Variants in UNC5D observed in about 807,000 individuals in gnomAD.
The protein encoded by UNC5D is netrin receptor UNC5D.
In UNC5D, 39 loss-of-function variants were observed where a neutral mutation model predicts 105.4. The ratio of observed to expected loss-of-function variants is 0.37; its 90% CI spans 0.29 to 0.48. UNC5D has a LOEUF of 0.48. UNC5D is among the 20% of genes least tolerant of loss of function. The pLI, the probability that UNC5D is intolerant of heterozygous loss-of-function variation, is 0.98. For missense variants in UNC5D, 991 were observed against 1,202.4 expected (o/e 0.82, Z 2.60); for synonymous variants, 452 against 450.4 (o/e 1.00, Z -0.04).
At chr8:35,258,558 T>A (rs192771664) in intron 1 of UNC5D, among the ~76,000 whole-genome samples, 1 of 152,268 alleles carries the variant, frequency 6.6e-6, no homozygotes, top group Non-Finnish European at 1.5e-5. Context: ...TAATAGTACC[T>A]ACCACATCAG....
chr8:35,482,922 C>T (rs982338992), intron 1 of UNC5D, among the ~76,000 whole-genome samples: 3 of 150,066 alleles, frequency 2.0e-5, no homozygotes, highest in African/African-American at 7.4e-5. Flanking sequence ...CCTGCCGTGG[C>T]CCCCCGAGTA....
In UNC5D at chr8:35,400,439, C is replaced by T. The variant is rs187027933; in HGVS notation, c.104-148853C>T. ...TCAAGCTCCTCATTATCCCGGATTA[C>T]GCTAACAACAATTGAAGCAAAATTT... On this transcript the variant is annotated intron_variant, in intron 1 of 16. Transcript: ENST00000404895. Among the ~76,000 whole-genome samples the T allele has an allele frequency of 3.6e-3, 551 of 152,230 alleles. 4 individuals are homozygous for T. Among genetic ancestry groups the T allele is most frequent in the African/African-American group, 0.013 (523 of 41,548 alleles).
intron 4 of UNC5D, among the ~76,000 whole-genome samples, chr8:35,660,473 T>C (rs1183704242): frequency 1.3e-5 from 2 of 152,210 alleles, no homozygotes; most frequent in Admixed American, 1.3e-4. Context: ...CCATTAAAGA[T>C]CATTTTCTCC....
At chr8:35,281,965 C>A (rs549806898) in intron 1 of UNC5D, among the ~76,000 whole-genome samples, 1 of 152,300 alleles carries the variant, frequency 6.6e-6, no homozygotes, top group African/African-American at 2.4e-5. Flanking sequence ...TATCCCTGCA[C>A]ATGTACTCGG....
At chr8:35,397,555 C>A (rs903868710) in intron 1 of UNC5D, among the ~76,000 whole-genome samples, 2 of 152,196 alleles carry the variant, frequency 1.3e-5, no homozygotes, top group African/African-American at 4.8e-5. Context: ...CTTGAGAACT[C>A]AAGTTGCACT....
intron 1 of UNC5D, among the ~76,000 whole-genome samples, chr8:35,505,889 C>A (rs1387729832): frequency 6.6e-6 from 1 of 152,202 alleles, no homozygotes; most frequent in Non-Finnish European, 1.5e-5. Flanking sequence ...GGTTGCTTAA[C>A]CTCTCTGTGC....
intron 3 of UNC5D, among the ~76,000 whole-genome samples, chr8:35,577,169 T>C (rs934338242): frequency 2.0e-5 from 3 of 152,234 alleles, no homozygotes; most frequent in Admixed American, 2.0e-4. Context: ...TGTTTTAAAA[T>C]CAAGGACATT....
intron 8 of UNC5D, among the ~76,000 whole-genome samples, chr8:35,709,355 G>A (rs1827794804): frequency 6.6e-6 from 1 of 152,168 alleles, no homozygotes; most frequent in Admixed American, 6.5e-5. Context: ...GGGTTAGAGT[G>A]AGTGATGCTT....
rs767294368 is a variant in UNC5D, at chr8:35,748,509, CT to C, written c.1767-12del. The stretch of plus-strand genomic sequence containing the variant: ...CCTCTACATACTTCTCTCTTCTATC[CT>C]TTTTTCAACTGTGAAGCCTCCAGTC... On this transcript the variant is annotated splice_polypyrimidine_tract_variant and intron_variant, in intron 11 of 16. Transcript: ENST00000404895. 1.3e-4 allele frequency: 202 copies of C among 1,608,458 alleles called. No individual in the cohort carries two copies. In the African/African-American group the frequency reaches 2.5e-3, roughly 20 times the overall value.
Position 35,611,926 on chromosome 8 carries a change from C to T in UNC5D, c.570+16269C>T, listed in dbSNP as rs187928372. On this transcript the variant is annotated intron_variant, in intron 4 of 16. Coordinates refer to ENST00000404895, the MANE Select transcript of UNC5D (RefSeq NM_080872.4). The stretch of plus-strand genomic sequence containing the variant: ...TTCCACAGATTAAAATTGTTGAGTT[C>T]TCAATAAACCCTGATTTACTGATGT... 1.6e-4 allele frequency among the ~76,000 whole-genome samples: 25 copies of T among 152,300 alleles called. No homozygotes were observed. The East Asian group carries it at 4.4e-3, about 27-fold the overall frequency.
chr8:35,694,696 AGTGTGTGT>A (rs3077800), intron 7 of UNC5D, among the ~76,000 whole-genome samples: 8 of 149,658 alleles, frequency 5.3e-5, no homozygotes, highest in African/African-American at 1.5e-4. Flanking sequence ...CAATAACTAT[AGTGTGTGT>A]GTGTGTGTGT....
intron 4 of UNC5D, among the ~76,000 whole-genome samples, chr8:35,679,136 G>C (rs1315048824): frequency 6.6e-6 from 1 of 152,116 alleles, no homozygotes; most frequent in African/African-American, 2.4e-5. Context: ...TGTAGTCCCA[G>C]CTAGTCAGGA....
chr8:35,329,163 C>T (rs942386838), intron 1 of UNC5D, among the ~76,000 whole-genome samples: 2 of 152,092 alleles, frequency 1.3e-5, no homozygotes, highest in African/African-American at 4.8e-5. Context: ...CTCTCTTGTA[C>T]AGGAAATTGT....
At chr8:35,702,839 C>G (rs933328148) in intron 7 of UNC5D, among the ~76,000 whole-genome samples, 12 of 152,104 alleles carry the variant, frequency 7.9e-5, no homozygotes, top group African/African-American at 2.7e-4. Flanking sequence ...CCAGAGATTT[C>G]CAGCCATTTC....
chr8:35,387,099 A>G (rs1803453693), intron 1 of UNC5D, among the ~76,000 whole-genome samples: 1 of 151,512 alleles, frequency 6.6e-6, no homozygotes, highest in African/African-American at 2.4e-5. Flanking sequence ...AGTGGCTCAC[A>G]CCTGTAATCC....
At chr8:35,533,722 G>A (rs1458140325) in intron 1 of UNC5D, among the ~76,000 whole-genome samples, 2 of 152,218 alleles carry the variant, frequency 1.3e-5, no homozygotes, top group Non-Finnish European at 2.9e-5. Context: ...AGGACCCTCC[G>A]AGCCAGGTGT....
chr8:35,337,020 A>C (rs952529897), intron 1 of UNC5D, among the ~76,000 whole-genome samples: 2 of 152,124 alleles, frequency 1.3e-5, no homozygotes, highest in African/African-American at 4.8e-5. Flanking sequence ...TTATTTATAC[A>C]TATAGCTTCT....
chr8:35,544,662 G>A, intron 1 of UNC5D: 1 of 1,221,024 alleles, frequency 8.2e-7, no homozygotes, highest in Non-Finnish European at 1.1e-6. Context: ...GAGTGCAATA[G>A]TGTGATCACG....
intron 1 of UNC5D, among the ~76,000 whole-genome samples, chr8:35,437,578 G>C (rs909265746): frequency 2.6e-5 from 4 of 152,008 alleles, no homozygotes; most frequent in African/African-American, 4.8e-5. Flanking sequence ...ATACATGAAT[G>C]ATATTTTATT....
Sources: gnomAD v4.1 joint callset for allele counts (sites outside exome capture counted in the v4.1 genomes callset) on GRCh38, gnomAD v4.1.1 for gene constraint, MANE v1.5 for transcripts, NCBI Gene and HGNC (gene_info 2026-07-23, HGNC 2026-07-21) for gene names.